Variants in PRKAA1 observed in about 807,000 individuals in gnomAD.
PRKAA1 encodes the protein 5'-AMP-activated protein kinase catalytic subunit alpha-1.
PRKAA1 carries 23 observed loss-of-function variants against 56.9 expected under a neutral mutation model. The observed-to-expected ratio is 0.40, with a 90% CI of 0.29 to 0.57. The LOEUF is 0.57. PRKAA1 is among the 20% of genes least tolerant of loss of function. The probability of loss-of-function intolerance (pLI) is 0.39; values close to 1 mark genes in which losing one functional copy is unlikely to be tolerated. For synonymous variants in PRKAA1, 226 were observed against 227.0 expected (o/e 1.00, Z 0.04); for missense variants, 413 against 679.7 (o/e 0.61, Z 4.36).
At chr5:40,779,501 G>A (rs953569908) in intron 1 of PRKAA1, among the ~76,000 whole-genome samples, 5 of 152,074 alleles carry the variant, frequency 3.3e-5, no homozygotes, top group African/African-American at 9.7e-5. Context: ...AAATACTCAG[G>A]TATACTAACA....
At chr5:40,775,890 A>G (rs146020424) in intron 2 of PRKAA1, among the ~76,000 whole-genome samples, 33 of 152,320 alleles carry the variant, frequency 2.2e-4, no homozygotes, top group African/African-American at 7.9e-4. Context: ...AAGGTCCCCA[A>G]GTAGAAGCCT....
chr5:40,788,310 T>C (rs1314380833), intron 1 of PRKAA1, among the ~76,000 whole-genome samples: 1 of 152,192 alleles, frequency 6.6e-6, no homozygotes, highest in East Asian at 1.9e-4. Flanking sequence ...GAAAACTGGA[T>C]AGCCACATAC....
chr5:40,789,682 TAC>T, intron 1 of PRKAA1, among the ~76,000 whole-genome samples: 1 of 152,278 alleles, frequency 6.6e-6, no homozygotes, highest in East Asian at 1.9e-4. Flanking sequence ...TACATAAAAT[TAC>T]AGTCAGGAGG....
intron 4 of PRKAA1, among the ~76,000 whole-genome samples, chr5:40,769,878 T>TAAAAAA (rs3071208): frequency 1.8e-5 from 2 of 109,892 alleles, no homozygotes; most frequent in African/African-American, 3.5e-5. Context: ...TCTGATTCTT[T>TAAAAAA]AAAAAAAAAA....
rs769311327 is a variant in PRKAA1, at chr5:40,774,807, G to A, written c.363+603C>T. ...GGGCTTTTGCATACCACATAACCTG[G>A]GTATGAGAAAAAGTATGGGCAGAGG... On this transcript the variant is annotated intron_variant, in intron 3 of 8. Transcript: ENST00000397128. 4.1e-6 allele frequency: 3 copies of A among 740,584 alleles called. No homozygotes were observed. The African/African-American group carries it at 5.3e-5, about 13-fold the overall frequency. 45.9% of individuals were successfully genotyped at this position (740,584 alleles called of 1,614,324 possible).
intron 1 of PRKAA1, among the ~76,000 whole-genome samples, chr5:40,797,604 C>T (rs1744984659): frequency 6.6e-6 from 1 of 152,206 alleles, no homozygotes; most frequent in Non-Finnish European, 1.5e-5. Flanking sequence ...CGACAGCCTC[C>T]TACAGAGGAC....
chr5:40,764,342 A>G, intron 8 of PRKAA1, 172 bp downstream of exon 8: 1 of 627,366 alleles, frequency 1.6e-6, no homozygotes, highest in African/African-American at 1.8e-5. Context: ...TAAGATTACA[A>G]GAAAAATAAG....
intron 1 of PRKAA1, among the ~76,000 whole-genome samples, chr5:40,783,410 C>T (rs1744342629): frequency 6.6e-6 from 1 of 151,914 alleles, no homozygotes; most frequent in Non-Finnish European, 1.5e-5. Context: ...AAAGTTATTC[C>T]ACTGTGATCC....
rs1370822361 is a variant in PRKAA1, at chr5:40,761,413, A to G, written c.*1365T>C. 1 of 152,182 alleles carries G rather than the reference A, an allele frequency of 6.6e-6. No homozygotes were observed. Among genetic ancestry groups the G allele is most frequent in the Non-Finnish European group, 1.5e-5 (1 of 68,010 alleles). 9.4% of individuals were successfully genotyped at this position (152,182 alleles called of 1,614,324 possible). The stretch of plus-strand genomic sequence containing the variant: ...GTAACATCCAAATGGTTCAGGGGGA[A>G]AAAAGCATATATACATACACAAACA... On this transcript the variant is annotated 3_prime_UTR_variant, in exon 9 of 9. Coordinates refer to ENST00000397128, the MANE Select transcript of PRKAA1 (RefSeq NM_006251.6).
chr5:40,777,293 G>GACC, intron 2 of PRKAA1, 152 bp downstream of exon 2: 5 of 777,618 alleles, frequency 6.4e-6, no homozygotes. Context: ...AATTACAGGT[G>GACC]TGAGCCACCG....
At chr5:40,775,071 C>T in intron 3 of PRKAA1, 1 of 908,188 alleles carries the variant, frequency 1.1e-6, no homozygotes. Context: ...CGATTAATTA[C>T]ATTAAGATAC....
At position 40,777,462 on chromosome 5, in the gene PRKAA1, A is replaced by T. The variant is rs377014464; in HGVS notation, c.252T>A (p.His84Gln). ...REIQNLKLFRHPHIIKLYQVI... is the reference protein window; with the variant it reads ...REIQNLKLFRQPHIIKLYQVI... ...GAGCTTACAGTTTAATTATATGAGG[A>T]TGCCTGAAAAGCTTGAGGTTCTGAA... The change falls in exon 2 of 9, where the codon CAT becomes CAA. Residue 84 changes from histidine (H) to glutamine (Q), a missense_variant. Physicochemically the swap from His to Gln is conservative, Grantham distance 24. Coordinates refer to ENST00000397128, the MANE Select transcript of PRKAA1 (RefSeq NM_006251.6). 6.8e-6 allele frequency: 11 copies of T among 1,612,548 alleles called. No homozygotes were observed. Among genetic ancestry groups the T allele is most frequent in the Non-Finnish European group, 9.3e-6 (11 of 1,178,862 alleles).
At chr5:40,768,326 A>G (rs993822657) in intron 5 of PRKAA1, 1 of 623,394 alleles carries the variant, frequency 1.6e-6, no homozygotes, top group Non-Finnish European at 2.0e-6. Flanking sequence ...AAGAGCTTGA[A>G]GAAAGACTTT....
intron 1 of PRKAA1, among the ~76,000 whole-genome samples, chr5:40,780,953 CT>C (rs1744243612): frequency 6.6e-6 from 1 of 152,102 alleles, no homozygotes; most frequent in Non-Finnish European, 1.5e-5. Flanking sequence ...GAATCCACCC[CT>C]CGTCAATTTG....
chr5:40,762,611 A>T lies in PRKAA1; in HGVS notation c.*167T>A. 1.3e-6 allele frequency: 1 copy of T among 781,068 alleles called. No homozygotes were observed. The highest frequency in any genetic ancestry group is 2.0e-6 in the Non-Finnish European group (1 of 505,856). 48.4% of individuals were successfully genotyped at this position (781,068 alleles called of 1,614,324 possible). A position where few individuals can be genotyped will look rare whatever the true frequency, so the allele number is the denominator to read the frequency against. ...CAAAATGATCTTAATTCATTTCTGC[A>T]TATTAGGCTTTTAACTATAAATCAT... On this transcript the variant is annotated 3_prime_UTR_variant, in exon 9 of 9. Coordinates refer to ENST00000397128, the MANE Select transcript of PRKAA1 (RefSeq NM_006251.6).
chr5:40,788,366 A>G (rs894014537), intron 1 of PRKAA1, among the ~76,000 whole-genome samples: 1 of 152,212 alleles, frequency 6.6e-6, no homozygotes, highest in Non-Finnish European at 1.5e-5. Flanking sequence ...ACAAGTATCA[A>G]CTTAAAATGG....
chr5:40,775,196 G>C (rs1042722906), intron 3 of PRKAA1, among the ~76,000 whole-genome samples: 1 of 152,176 alleles, frequency 6.6e-6, no homozygotes, highest in Non-Finnish European at 1.5e-5. Flanking sequence ...CATATAAGCC[G>C]CGAGGCTCAG....
chr5:40,795,450 G>A (rs1230980968), intron 1 of PRKAA1, among the ~76,000 whole-genome samples: 2 of 151,564 alleles, frequency 1.3e-5, no homozygotes, highest in East Asian at 3.9e-4. Flanking sequence ...CACCTCTGTT[G>A]CACACACACA....
chr5:40,778,173 T>C (rs1023158111), intron 1 of PRKAA1, among the ~76,000 whole-genome samples: 1 of 152,024 alleles, frequency 6.6e-6, no homozygotes, highest in Non-Finnish European at 1.5e-5. Flanking sequence ...CACTTGAACC[T>C]GGGAGGCAGA....
Sources: gnomAD v4.1 joint callset for allele counts (sites outside exome capture counted in the v4.1 genomes callset) on GRCh38, gnomAD v4.1.1 for gene constraint, MANE v1.5 for transcripts, NCBI Gene and HGNC (gene_info 2026-07-23, HGNC 2026-07-21) for gene names.